PRDM9: variants seen among roughly 807,000 people sequenced by gnomAD.
PRDM9 encodes PR/SET domain 9.
PRDM9 carries 47 observed loss-of-function variants against 55.6 expected under a neutral mutation model. That is an observed-to-expected ratio of 0.85 (90% confidence interval 0.67 to 1.08). The LOEUF is 1.08. PRDM9 is among the 50% of genes least tolerant of loss of function. PRDM9 has a pLI of 0.00. For missense variants in PRDM9, 867 were observed against 1,040.3 expected (o/e 0.83, Z 2.29); for synonymous variants, 312 against 375.7 (o/e 0.83, Z 1.96).
At chr5:23,520,345 ACAGAGCGAGAC>A (rs1392754795) in intron 5 of PRDM9, among the ~76,000 whole-genome samples, 6 of 148,226 alleles carry the variant, frequency 4.0e-5, no homozygotes, top group African/African-American at 1.5e-4. Context: ...AGCCTAGGCA[ACAGAGCGAGAC>A]TCCTTCTCAA....
At chr5:23,513,312 G>A in intron 4 of PRDM9, among the ~76,000 whole-genome samples, 1 of 152,152 alleles carries the variant, frequency 6.6e-6, no homozygotes, top group Non-Finnish European at 1.5e-5. Flanking sequence ...AGTATTAAGA[G>A]GTGGAGCCTT....
chr5:23,518,140 A>T, intron 5 of PRDM9, among the ~76,000 whole-genome samples: 1 of 152,072 alleles, frequency 6.6e-6, no homozygotes, highest in East Asian at 1.9e-4. Flanking sequence ...GTATTTTCAG[A>T]CTCTATTTTA....
At position 23,512,681 on chromosome 5, in the gene PRDM9, C is replaced by A. The variant is rs1367816296; in HGVS notation, c.301+2654C>A. Among the ~76,000 whole-genome samples, 3 of 152,056 alleles carry A rather than the reference C, an allele frequency of 2.0e-5. No individual in the cohort carries two copies. The East Asian group carries it at 5.8e-4, about 29-fold the overall frequency. Reference sequence around the variant, plus strand: ...ACTCTTCTAACAATTTTTAAGTGTACAACTTTATTAATTATATGCACATAG... The same window carrying A: ...ACTCTTCTAACAATTTTTAAGTGTAAAACTTTATTAATTATATGCACATAG... On this transcript the variant is annotated intron_variant, in intron 4 of 10. Coordinates refer to ENST00000296682, the MANE Select transcript of PRDM9 (RefSeq NM_020227.4).
In PRDM9 at chr5:23,524,477, T is replaced by G; in HGVS notation, c.1094T>G (p.Leu365Arg). 3 of 1,613,856 alleles carry G rather than the reference T, an allele frequency of 1.9e-6. No individual in the cohort carries two copies. Among genetic ancestry groups the G allele is most frequent in the Non-Finnish European group, 2.5e-6 (3 of 1,179,868 alleles). ...VWYGDEYGQE[L>R]GIKWGSKWKK... ...TATGGGGATGAATACGGCCAGGAAC[T>G]GGGCATCAAGTGGGGCAGCAAGTGG... Residue 365 changes from leucine to arginine, a missense_variant, in exon 10 of 11, where the codon CTG becomes CGG. Leu to Arg is a moderately radical substitution (Grantham distance 102). Coordinates refer to ENST00000296682, the MANE Select transcript of PRDM9 (RefSeq NM_020227.4).
In PRDM9 at chr5:23,513,315, G is replaced by A. The variant is rs140874038; in HGVS notation, c.301+3288G>A. On this transcript the variant is annotated intron_variant, in intron 4 of 10. Coordinates refer to ENST00000296682, the MANE Select transcript of PRDM9 (RefSeq NM_020227.4). ...TGCCATTGTAACAGTATTAAGAGGT[G>A]GAGCCTTTAAGAGGTGAATTAGGTA... Among the ~76,000 whole-genome samples, 395 of 152,256 alleles carry A rather than the reference G, an allele frequency of 2.6e-3. 10 individuals carry two copies. In the East Asian group the frequency reaches 0.066, roughly 26 times the overall value.
In PRDM9 at chr5:23,527,027, C is replaced by T. The variant is rs113723046; in HGVS notation, c.1939C>T (p.Arg647Trp). The change falls in exon 11 of 11, where the codon CGG becomes TGG. Residue 647 changes from arginine (R) to tryptophan (W), a missense_variant. Arg to Trp is a moderately radical substitution (Grantham distance 101). This residue lies in a region of PRDM9 where 0 missense variants were observed against 19.0 expected (regional missense o/e 0.00). Coordinates refer to ENST00000296682, the MANE Select transcript of PRDM9 (RefSeq NM_020227.4). Reference protein sequence around the residue: ...VCRECGRGFSRQSVLLTHQRR... With the variant: ...VCRECGRGFSWQSVLLTHQRR... The stretch of plus-strand genomic sequence containing the variant: ...CAGGGAGTGTGGGCGGGGCTTTAGC[C>T]GGCAGTCAGTCCTCCTCACTCACCA... The T allele has an allele frequency of 2.9e-6, 3 of 1,017,524 alleles. No individual in the cohort carries two copies. Among genetic ancestry groups the T allele is most frequent in the African/African-American group, 2.5e-5 (1 of 39,560 alleles). The allele number at this position is 1,017,524 out of a possible 1,614,324, so 63.0% of individuals were successfully genotyped here.
At chr5:23,520,960 T>G (rs1739315197) in intron 5 of PRDM9, 63 bp from the exon 6 acceptor site, 2 of 1,572,134 alleles carry the variant, frequency 1.3e-6, no homozygotes, top group Non-Finnish European at 1.7e-6. Context: ...GAAAACATGT[T>G]GCAAGCCGTA....
At chr5:23,522,024 A>G (rs529017622) in intron 6 of PRDM9, among the ~76,000 whole-genome samples, 2 of 152,336 alleles carry the variant, frequency 1.3e-5, no homozygotes, top group African/African-American at 4.8e-5. Flanking sequence ...CTCAAGAAAT[A>G]TCTTCCAAAT....
chr5:23,526,205 T>C (rs768140632), intron 10 of PRDM9, 28 bp from the exon 11 acceptor site: 9 of 1,600,792 alleles, frequency 5.6e-6, no homozygotes, highest in Non-Finnish European at 7.7e-6. Context: ...ACAAAACATC[T>C]ACCCTGACCA....
chr5:23,521,768 T>C (rs1739332414), intron 6 of PRDM9, among the ~76,000 whole-genome samples: 1 of 152,240 alleles, frequency 6.6e-6, no homozygotes, highest in Admixed American at 6.5e-5. Context: ...TGGTAATCTG[T>C]AAAATGAGAC....
chr5:23,507,544 C>T (rs1352823172), upstream of PRDM9: 1 of 152,380 alleles, frequency 6.6e-6, no homozygotes, highest in Non-Finnish European at 1.5e-5. Context: ...TCGCCTTGGT[C>T]TCCGTGCTGA....
At chr5:23,511,078 C>A (rs1225579002) in intron 4 of PRDM9, among the ~76,000 whole-genome samples, 4 of 151,866 alleles carry the variant, frequency 2.6e-5, no homozygotes, top group African/African-American at 9.7e-5. Flanking sequence ...ATAGCTTGAA[C>A]CCATGAGGCA....
At chr5:23,512,040 T>C (rs983083375) in intron 4 of PRDM9, among the ~76,000 whole-genome samples, 1 of 152,186 alleles carries the variant, frequency 6.6e-6, no homozygotes, top group Non-Finnish European at 1.5e-5. Flanking sequence ...GAAAGCAAAC[T>C]TAATTAAACT....
At chr5:23,509,323 G>T in intron 2 of PRDM9, 147 bp from the exon 3 acceptor site, 1 of 1,464,330 alleles carries the variant, frequency 6.8e-7, no homozygotes, top group Non-Finnish European at 9.5e-7. Flanking sequence ...CAGTTAAATG[G>T]GACACAGTCT....
chr5:23,527,842 C>T lies in PRDM9; in HGVS notation c.*69C>T, dbSNP rs1739511264. ...AATGTGGTCACCACACACTTGCACA[C>T]CCCAGCTGTGAGGTGGCTTCAGCGG... On this transcript the variant is annotated 3_prime_UTR_variant, in exon 11 of 11. Coordinates refer to ENST00000296682, the MANE Select transcript of PRDM9 (RefSeq NM_020227.4). 5.7e-6 allele frequency: 9 copies of T among 1,591,208 alleles called. No homozygotes were observed. Among genetic ancestry groups the T allele is most frequent in the Non-Finnish European group, 7.7e-6 (9 of 1,162,736 alleles).
chr5:23,521,312 G>T (rs557250179), intron 6 of PRDM9, 133 bp downstream of exon 6: 32 of 948,420 alleles, frequency 3.4e-5, no homozygotes, highest in African/African-American at 2.0e-4. Context: ...AGACCAGAAG[G>T]TAGATGCAGT....
In PRDM9 at chr5:23,509,921, T is replaced by A. The variant is rs905881893; in HGVS notation, c.195T>A (p.Gly65=). ...AACAAAATTTTTGCTTCTTTTCAGG[T>A]CTCAGAGCCACTCGACCAGCTTTCA... ...KRNYNALITI[G]LRATRPAFMC... The change falls in exon 4 of 11, where the codon GGT becomes GGA. Residue 65 remains glycine (G), a splice_region_variant and synonymous_variant. Coordinates refer to ENST00000296682, the MANE Select transcript of PRDM9 (RefSeq NM_020227.4). 3 of 1,613,880 alleles carry A rather than the reference T, an allele frequency of 1.9e-6. No individual in the cohort carries two copies. The African/African-American group carries it at 4.0e-5, about 22-fold the overall frequency.
intron 5 of PRDM9, 131 bp from the exon 6 acceptor site, chr5:23,520,892 A>T: frequency 9.4e-7 from 1 of 1,065,284 alleles, no homozygotes; most frequent in Non-Finnish European, 1.4e-6. Context: ...TTTTCCCTCT[A>T]GTATTTAGAC....
intron 5 of PRDM9, among the ~76,000 whole-genome samples, chr5:23,519,233 C>T (rs548592094): frequency 1.3e-5 from 2 of 151,860 alleles, no homozygotes; most frequent in East Asian, 1.9e-4. Flanking sequence ...CTGATTTTTA[C>T]GTTTTTTGTA....
Sources: allele counts gnomAD v4.1 joint callset (sites outside exome capture counted in the v4.1 genomes callset), GRCh38; gene constraint gnomAD v4.1.1; regional missense constraint gnomAD v4.1.1; transcripts MANE v1.5; gene names NCBI Gene and HGNC (gene_info 2026-07-23, HGNC 2026-07-21).